CCDC50: variants seen among roughly 807,000 people sequenced by gnomAD.
CCDC50 encodes coiled-coil domain containing 50.
In CCDC50, 54 loss-of-function variants were observed where a neutral mutation model predicts 70.2. The observed-to-expected ratio is 0.77, with a 90% confidence interval of 0.62 to 0.96. The LOEUF is 0.96. Ranked by LOEUF, CCDC50 falls within the 50% of genes least tolerant of loss-of-function variation. CCDC50 has a pLI of 0.00. For synonymous variants in CCDC50, 216 were observed against 198.8 expected, an observed-to-expected ratio of 1.09 and a Z score of -0.73; for missense variants, 558 against 578.7, an observed-to-expected ratio of 0.96 and a Z score of 0.37.
At chr3:191,329,830 C>A in intron 1 of CCDC50, 107 bp downstream of exon 1, 1 of 1,180,130 alleles carries the variant, frequency 8.5e-7, no homozygotes, top group Non-Finnish European at 1.2e-6. Flanking sequence ...TCGCCCGGTG[C>A]CCGCCCTGCG....
intron 1 of CCDC50, among the ~76,000 whole-genome samples, chr3:191,336,071 CAT>C (rs1409597956): frequency 5.3e-5 from 8 of 150,598 alleles, no homozygotes; most frequent in African/African-American, 2.0e-4. Context: ...AATTGAAGAA[CAT>C]ATGAGTTTTC....
intron 10 of CCDC50, among the ~76,000 whole-genome samples, chr3:191,387,140 T>C (rs1480973118): frequency 2.0e-5 from 3 of 152,332 alleles, no homozygotes; most frequent in East Asian, 3.9e-4. Context: ...AACTCTGTCA[T>C]GTTCTCATGA....
intron 1 of CCDC50, among the ~76,000 whole-genome samples, chr3:191,349,748 G>C (rs1170743869): frequency 1.4e-5 from 2 of 141,176 alleles, no homozygotes; most frequent in African/African-American, 2.5e-5. Context: ...TTTTATTCCT[G>C]TTTTTTCAGG....
At chr3:191,331,846 T>G (rs1717998201) in intron 1 of CCDC50, among the ~76,000 whole-genome samples, 1 of 152,212 alleles carries the variant, frequency 6.6e-6, no homozygotes, top group African/African-American at 2.4e-5. Context: ...GGGTAAAACA[T>G]GTGCAAACAT....
intron 10 of CCDC50, among the ~76,000 whole-genome samples, chr3:191,384,079 T>G (rs1043960418): frequency 6.6e-6 from 1 of 152,248 alleles, no homozygotes. Context: ...CTTAAGAAAG[T>G]TTATTAAAGT....
At chr3:191,363,022 A>G (rs1225571152) in intron 4 of CCDC50, among the ~76,000 whole-genome samples, 2 of 152,020 alleles carry the variant, frequency 1.3e-5, no homozygotes, top group African/African-American at 4.8e-5. Flanking sequence ...CTATTTAAAA[A>G]ATACCAGAGT....
intron 11 of CCDC50, among the ~76,000 whole-genome samples, chr3:191,390,216 G>A (rs938621079): frequency 6.6e-6 from 1 of 152,002 alleles, no homozygotes; most frequent in African/African-American, 2.4e-5. Flanking sequence ...ATTTTCTGTA[G>A]TGGCTCTTGT....
At position 191,329,474 on chromosome 3, in the gene CCDC50, A is replaced by G; in HGVS notation, c.-201A>G. ...GCCGCGGCGGGGCAGCTGGGCCGCC[A>G]GCTTGGTGCCTCGGGGACCGTCTCC... On this transcript the variant is annotated 5_prime_UTR_variant, in exon 1 of 12. Coordinates refer to ENST00000392455, the MANE Select transcript of CCDC50 (RefSeq NM_178335.3). 2.1e-6 allele frequency: 1 copy of G among 482,068 alleles called. No homozygotes were observed. The allele number at this position is 482,068 out of a possible 1,614,324, so 29.9% of individuals were successfully genotyped here. A position where few individuals can be genotyped will look rare whatever the true frequency, so the allele number is the denominator to read the frequency against.
intron 11 of CCDC50, among the ~76,000 whole-genome samples, chr3:191,389,849 T>A (rs372670537): frequency 6.2e-4 from 87 of 139,856 alleles, no homozygotes; most frequent in African/African-American, 2.1e-3. Context: ...TTTCATCAAA[T>A]TCACTTTTTT....
rs1278028308 is a variant in CCDC50 at position 191,333,374 on chromosome 3, A to G, written c.49+3651A>G. ...ATCCAGACCTTCAAGGGGGAAAGATATAAAATTATGTCTGGTACCATCAGT... is the reference window on the plus strand; with the variant it reads ...ATCCAGACCTTCAAGGGGGAAAGATGTAAAATTATGTCTGGTACCATCAGT... On this transcript the variant is annotated intron_variant, in intron 1 of 11. Coordinates refer to ENST00000392455, the MANE Select transcript of CCDC50 (RefSeq NM_178335.3). Among the ~76,000 whole-genome samples, 3 of 152,310 alleles carry G rather than the reference A, an allele frequency of 2.0e-5. No homozygotes were observed. The East Asian group carries it at 5.8e-4, about 29-fold the overall frequency.
rs763584349 is a variant in CCDC50, at chr3:191,380,203, C to T, written c.1021C>T (p.Arg341Ter). The T allele has an allele frequency of 9.9e-6, 16 of 1,611,042 alleles. No individual in the cohort carries two copies. Among genetic ancestry groups the T allele is most frequent in the Non-Finnish European group, 1.3e-5 (15 of 1,178,486 alleles). ...GAAAGAAGCTGTATCTACTCCATCA[C>T]GAATGGCCCACAGGGATCAGGAATG... ...VMKEAVSTPS[R>*]MAHRDQEWYD... Residue 341 changes from arginine to a stop codon, truncating the protein, a stop_gained, in exon 7 of 12, where the codon CGA becomes TGA. Transcript: ENST00000392455. LOFTEE classifies it high-confidence loss of function.
intron 5 of CCDC50, among the ~76,000 whole-genome samples, chr3:191,372,457 A>G (rs975355684): frequency 7.2e-5 from 11 of 152,190 alleles, no homozygotes; most frequent in Admixed American, 3.3e-4. Context: ...ATTATAGTTC[A>G]GCTCATATTT....
chr3:191,365,088 A>ATGTG (rs111869044), intron 4 of CCDC50, among the ~76,000 whole-genome samples: 17 of 151,576 alleles, frequency 1.1e-4, no homozygotes, highest in African/African-American at 3.6e-4. Flanking sequence ...GCATGACTAG[A>ATGTG]TGTGTGTGTG....
intron 10 of CCDC50, among the ~76,000 whole-genome samples, chr3:191,385,865 AT>A (rs35401025): frequency 0.011 from 1,744 of 152,178 alleles, 38 homozygotes; most frequent in African/African-American, 0.039. Context: ...TCCCAGCACC[AT>A]TTTTTGAATA....
rs113275860 is a variant in CCDC50 at position 191,374,290 on chromosome 3, A to T, written c.449-772A>T. Among the ~76,000 whole-genome samples the T allele has an allele frequency of 7.0e-3, 1,067 of 152,300 alleles. 9 individuals carry two copies. Among genetic ancestry groups the T allele is most frequent in the African/African-American group, 0.023 (958 of 41,582 alleles). On this transcript the variant is annotated intron_variant, in intron 5 of 11. Transcript: ENST00000392455. The stretch of plus-strand genomic sequence containing the variant: ...TATATTATATTTTTCTACAAAGAAT[A>T]CAATATCATACAGTTTTTTGAAATG...
Position 191,329,600 on chromosome 3 carries a change from C to T in CCDC50, c.-75C>T. The stretch of plus-strand genomic sequence containing the variant: ...TGCGCCGCGTCCGGCGCTGCTGCTG[C>T]GCTCGGGGCCCCGCTCGGCGCCGGC... On this transcript the variant is annotated 5_prime_UTR_variant, in exon 1 of 12. Transcript: ENST00000392455. 3.3e-6 allele frequency: 5 copies of T among 1,500,228 alleles called. No individual in the cohort carries two copies. The highest frequency in any genetic ancestry group is 4.5e-6 in the Non-Finnish European group (5 of 1,103,316). 92.9% of individuals were successfully genotyped at this position (1,500,228 alleles called of 1,614,324 possible).
chr3:191,390,325 G>C (rs981556680), intron 11 of CCDC50, among the ~76,000 whole-genome samples: 1 of 132,690 alleles, frequency 7.5e-6, no homozygotes, highest in Non-Finnish European at 1.7e-5. Context: ...AAAGCATAAA[G>C]AAAAAATAGG....
At chr3:191,389,429 A>G (rs1005230534) in intron 10 of CCDC50, 67 bp from the exon 11 acceptor site, 17 of 1,310,102 alleles carry the variant, frequency 1.3e-5, no homozygotes, top group Non-Finnish European at 1.7e-5. Context: ...CTTGCAATCC[A>G]GTAAGAGGGG....
chr3:191,380,231 A>G lies in CCDC50; in HGVS notation c.1049A>G (p.Tyr350Cys). The G allele has an allele frequency of 3.7e-6, 6 of 1,612,810 alleles. No individual in the cohort carries two copies. The highest frequency in any genetic ancestry group is 5.1e-6 in the Non-Finnish European group (6 of 1,179,342). The part of the protein sequence containing the change: ...SRMAHRDQEW[Y>C]DAEIARKLQE... ...ATGGCCCACAGGGATCAGGAATGGT[A>G]TGATGCTGAAATTGCCAGAAAACTG... Residue 350 changes from tyrosine (Y) to cysteine (C), a missense_variant, in exon 7 of 12, where the codon TAT becomes TGT. Coordinates refer to ENST00000392455, the MANE Select transcript of CCDC50 (RefSeq NM_178335.3).
Sources: allele counts gnomAD v4.1 joint callset (sites outside exome capture counted in the v4.1 genomes callset), GRCh38; gene constraint gnomAD v4.1.1; transcripts MANE v1.5; gene names NCBI Gene and HGNC (gene_info 2026-07-23, HGNC 2026-07-21).